HSD17B3: variants seen among roughly 807,000 people sequenced by gnomAD.
HSD17B3 encodes the protein 17-beta-hydroxysteroid dehydrogenase type 3.
In HSD17B3, 29 loss-of-function variants were observed where a neutral mutation model predicts 41.1. The ratio of observed to expected loss-of-function variants is 0.71; its 90% confidence interval spans 0.53 to 0.96. The LOEUF (loss-of-function observed/expected upper bound fraction) is 0.96. HSD17B3 is among the 40% of genes least tolerant of loss of function. The pLI is 0.00. For missense variants in HSD17B3, 323 were observed against 374.6 expected, an observed-to-expected ratio of 0.86 and a Z score of 1.14; for synonymous variants, 126 against 145.6, an observed-to-expected ratio of 0.87 and a Z score of 0.97.
intron 4 of HSD17B3, among the ~76,000 whole-genome samples, chr9:96,251,702 C>T (rs1825420442): frequency 6.6e-6 from 1 of 152,184 alleles, no homozygotes; most frequent in Admixed American, 6.5e-5. Context: ...TCATTAAAAA[C>T]TATGGCTGGG....
rs750492480 is a variant in HSD17B3 at position 96,252,542 on chromosome 9, C to CA, written c.385+260dup. On this transcript the variant is annotated intron_variant, in intron 4 of 10. Coordinates refer to ENST00000375263, the MANE Select transcript of HSD17B3 (RefSeq NM_000197.2). ...TGGGTGACAGAGCGAGACTGCATCT[C>CA]AAAAAAAAAAAAAAAAGAAAAGAAA... 0.016 allele frequency among the ~76,000 whole-genome samples: 998 copies of CA among 63,308 alleles called. 11 individuals are homozygous for CA. The highest frequency in any genetic ancestry group is 0.035 in the African/African-American group (653 of 18,888). The allele number at this position is 63,308 out of a possible 152,430, so 41.5% of individuals were successfully genotyped here.
At chr9:96,269,594 T>A (rs11791650) in intron 2 of HSD17B3, among the ~76,000 whole-genome samples, 25,107 of 152,066 alleles carry the variant, frequency 0.17, 2,582 homozygotes, top group East Asian at 0.55. Flanking sequence ...AGAAGCATGA[T>A]GTTGATTTAC....
At position 96,244,442 on chromosome 9, in the gene HSD17B3, G is replaced by A. The variant is rs2066477; in HGVS notation, c.607-48C>T. ...CTGAGGCCCCAGAGTGAGCTCCCTC[G>A]TCAGAGCCAACTTCCTCTGACTTCA... On this transcript the variant is annotated intron_variant, in intron 8 of 10. Transcript: ENST00000375263. The A allele has an allele frequency of 3.0e-3, 4,708 of 1,583,118 alleles. 98 individuals are homozygous for A. In the African/African-American group the frequency reaches 0.051, roughly 17 times the overall value.
intron 2 of HSD17B3, among the ~76,000 whole-genome samples, chr9:96,275,442 T>A (rs1420946305): frequency 1.3e-5 from 2 of 152,178 alleles, no homozygotes; most frequent in Admixed American, 1.3e-4. Context: ...TTTACAGGCA[T>A]GATGGCACAC....
chr9:96,249,610 G>A (rs1180420646), intron 6 of HSD17B3, 141 bp downstream of exon 6: 1 of 741,764 alleles, frequency 1.3e-6, no homozygotes, highest in Non-Finnish European at 2.4e-6. Flanking sequence ...ACAATTACAA[G>A]ACCACGACAT....
intron 6 of HSD17B3, 140 bp from the exon 7 acceptor site, chr9:96,246,730 C>T: frequency 1.3e-6 from 1 of 769,298 alleles, no homozygotes; most frequent in Non-Finnish European, 2.3e-6. Flanking sequence ...ATTGCTGGCA[C>T]TCATTGGAGG....
chr9:96,290,890 C>T (rs1827132216), intron 2 of HSD17B3, among the ~76,000 whole-genome samples: 1 of 151,782 alleles, frequency 6.6e-6, no homozygotes, highest in African/African-American at 2.4e-5. Context: ...CCCTCTCTAA[C>T]TAGAGGACCA....
intron 6 of HSD17B3, 136 bp downstream of exon 6, chr9:96,249,615 C>T (rs929541287): frequency 2.1e-5 from 16 of 770,592 alleles, no homozygotes; most frequent in Admixed American, 9.5e-5. Flanking sequence ...TACAAGACCA[C>T]GACATGGCCT....
At chr9:96,300,146 C>T (rs764909009) in intron 1 of HSD17B3, among the ~76,000 whole-genome samples, 1 of 150,858 alleles carries the variant, frequency 6.6e-6, no homozygotes, top group African/African-American at 2.4e-5. Context: ...ATCCAGAACA[C>T]TCAGGTCAAG....
At chr9:96,267,151 G>C (rs980678022) in intron 2 of HSD17B3, among the ~76,000 whole-genome samples, 7 of 118,502 alleles carry the variant, frequency 5.9e-5, no homozygotes, top group African/African-American at 2.3e-4. Context: ...CCAGGCAAAA[G>C]ACAACATTTT....
intron 2 of HSD17B3, among the ~76,000 whole-genome samples, chr9:96,270,444 A>T (rs1042360684): frequency 1.3e-5 from 2 of 152,254 alleles, no homozygotes; most frequent in African/African-American, 4.8e-5. Flanking sequence ...TGCTGTTTTC[A>T]TTTAAGGCCA....
At position 96,267,817 on chromosome 9, in the gene HSD17B3, G is replaced by C. The variant is rs547027565; in HGVS notation, c.202-12874C>G. Among the ~76,000 whole-genome samples the C allele has an allele frequency of 3.3e-5, 5 of 152,246 alleles. 1 individual carries two copies. The South Asian group carries it at 1.0e-3, about 32-fold the overall frequency. On this transcript the variant is annotated intron_variant, in intron 2 of 10. Coordinates refer to ENST00000375263, the MANE Select transcript of HSD17B3 (RefSeq NM_000197.2). ...TGAGTGACAGGAGATCCAGAAAAAA[G>C]AGACCAAGCAGACAGGATGAATGAG... is the stretch of plus-strand genomic sequence containing the variant.
Position 96,245,355 on chromosome 9 carries a change from G to A in HSD17B3, c.596C>T (p.Ser199Leu). ...CATGACATCACTCACCTTGGAAGCT[G>A]AGTACATGGAGTAGAGAGGCCAAGG... ...LFPWPLYSMYSASKAFVCAFS... is the reference protein window; with the variant it reads ...LFPWPLYSMYLASKAFVCAFS... The change falls in exon 8 of 11, where the codon TCA becomes TTA. Residue 199 changes from serine (S) to leucine (L), a missense_variant. Transcript: ENST00000375263. 1 of 1,612,090 alleles carries A rather than the reference G, an allele frequency of 6.2e-7. No homozygotes were observed. Among genetic ancestry groups the A allele is most frequent in the South Asian group, 1.1e-5 (1 of 91,046 alleles).
rs182824058 is a variant in HSD17B3 at position 96,259,911 on chromosome 9, T to C, written c.202-4968A>G. Among the ~76,000 whole-genome samples the C allele has an allele frequency of 2.6e-5, 4 of 152,364 alleles. No individual in the cohort carries two copies. The East Asian group carries it at 7.7e-4, about 29-fold the overall frequency. ...ATTTGGTTTTCACCATAGACAATAGTATTCTCTACAAAGAGTACAGTCTTG... is the reference window on the plus strand; with the variant it reads ...ATTTGGTTTTCACCATAGACAATAGCATTCTCTACAAAGAGTACAGTCTTG... On this transcript the variant is annotated intron_variant, in intron 2 of 10. Coordinates refer to ENST00000375263, the MANE Select transcript of HSD17B3 (RefSeq NM_000197.2).
chr9:96,272,434 TATATATATATATAAA>T (rs1221823378), intron 2 of HSD17B3, among the ~76,000 whole-genome samples: 3 of 99,386 alleles, frequency 3.0e-5, no homozygotes, highest in Non-Finnish European at 4.1e-5. Context: ...TATATATATA[TATATATATATATAAA>T]ATATATATGA....
At chr9:96,250,225 T>G (rs1377318773) in intron 5 of HSD17B3, 2 of 1,120,032 alleles carry the variant, frequency 1.8e-6, no homozygotes, top group Admixed American at 4.4e-5. Flanking sequence ...TGACCAAAGA[T>G]AAAGAGAAAG....
chr9:96,256,619 T>G (rs1487016967), intron 2 of HSD17B3, among the ~76,000 whole-genome samples: 1 of 152,082 alleles, frequency 6.6e-6, no homozygotes, highest in African/African-American at 2.4e-5. Context: ...TGCAGTGAGC[T>G]GAGATCGTGC....
intron 2 of HSD17B3, among the ~76,000 whole-genome samples, chr9:96,261,235 G>A (rs919728503): frequency 2.9e-5 from 1 of 34,976 alleles, no homozygotes; most frequent in African/African-American, 1.2e-4. Flanking sequence ...GGTTCAGGCA[G>A]TAGAAATGTA....
At chr9:96,261,651 C>T (rs1252712039) in intron 2 of HSD17B3, among the ~76,000 whole-genome samples, 1 of 152,194 alleles carries the variant, frequency 6.6e-6, no homozygotes, top group Non-Finnish European at 1.5e-5. Context: ...GGGGAGAACC[C>T]ATAAAAGGGC....
Sources: gnomAD v4.1 joint callset for allele counts (sites outside exome capture counted in the v4.1 genomes callset) on GRCh38, gnomAD v4.1.1 for gene constraint, MANE v1.5 for transcripts, NCBI Gene and HGNC (gene_info 2026-07-23, HGNC 2026-07-21) for gene names.